The following ABI3BP variants were observed in gnomAD, a reference collection of about 807,000 sequenced individuals.
The protein encoded by ABI3BP is ABI family member 3 binding protein, also known as target of Nesh-SH3.
ABI3BP carries 216 observed loss-of-function variants against 268.6 expected under a neutral mutation model. That is an observed-to-expected ratio of 0.80 (90% confidence interval 0.72 to 0.90). ABI3BP has a LOEUF of 0.90. Among genes scored for constraint, ABI3BP ranks in the 40% least tolerant of loss-of-function variants. The pLI, the probability that ABI3BP is intolerant of heterozygous loss-of-function variation, is 0.00. For synonymous variants in ABI3BP, 730 were observed against 730.0 expected (o/e 1.00, Z 0.00); for missense variants, 2,090 against 2,182.4 (o/e 0.96, Z 0.84).
At chr3:100,753,934 ACTTGTTAAGAAGT>A in intron 64 of ABI3BP, 86 bp from the exon 65 acceptor site, 2 of 1,348,556 alleles carry the variant, frequency 1.5e-6, no homozygotes, top group Non-Finnish European at 2.1e-6. Context: ...GGGGGCTTAC[ACTTGTTAAGAAGT>A]CTTATTTGCA....
At chr3:100,902,813 A>G in intron 2 of ABI3BP, 127 bp from the exon 3 acceptor site, 1 of 685,596 alleles carries the variant, frequency 1.5e-6, no homozygotes, top group Non-Finnish European at 2.5e-6. Context: ...GAGTGAGAGG[A>G]CCCAATAATC....
chr3:100,821,619 T>C (rs1029429141), intron 38 of ABI3BP, among the ~76,000 whole-genome samples: 2 of 142,694 alleles, frequency 1.4e-5, no homozygotes, highest in Non-Finnish European at 3.1e-5. Context: ...TTTTTTTTTT[T>C]TGAGATGGAG....
chr3:100,947,953 T>C (rs1310003984), intron 1 of ABI3BP, among the ~76,000 whole-genome samples: 1 of 152,060 alleles, frequency 6.6e-6, no homozygotes, highest in African/African-American at 2.4e-5. Flanking sequence ...TGGGTAGCAA[T>C]GAGTCAGCCA....
intron 4 of ABI3BP, among the ~76,000 whole-genome samples, chr3:100,895,013 G>T (rs2047012858): frequency 7.0e-6 from 1 of 142,718 alleles, no homozygotes; most frequent in South Asian, 2.4e-4. Context: ...ATGCGAAAGT[G>T]ATTTCTAAAC....
intron 1 of ABI3BP, among the ~76,000 whole-genome samples, chr3:100,932,057 C>G (rs1389592230): frequency 2.5e-4 from 38 of 151,734 alleles, no homozygotes; most frequent in Admixed American, 2.5e-3. Context: ...GGACACACAC[C>G]TACAACAATC....
At chr3:100,859,096 C>A (rs1469718573) in intron 14 of ABI3BP, among the ~76,000 whole-genome samples, 1 of 152,164 alleles carries the variant, frequency 6.6e-6, no homozygotes, top group East Asian at 1.9e-4. Flanking sequence ...TTTCTATCAT[C>A]TTCTAAGAGA....
chr3:100,990,565 G>T lies in ABI3BP; in HGVS notation c.79+2741C>A, dbSNP rs188226933. 7.1e-3 allele frequency among the ~76,000 whole-genome samples: 1,045 copies of T among 147,824 alleles called. 10 individuals are homozygous for T. The highest frequency in any genetic ancestry group is 0.025 in the African/African-American group (1,001 of 40,680). Reference sequence around the variant, plus strand: ...GACTTCTTATAAATAACTATATATGGTTATATATATATAATTTTGTATATA... The same window carrying T: ...GACTTCTTATAAATAACTATATATGTTTATATATATATAATTTTGTATATA... On this transcript the variant is annotated intron_variant, in intron 1 of 67. Coordinates refer to ENST00000471714, the MANE Select transcript of ABI3BP (RefSeq NM_001375547.2).
At position 100,754,624 on chromosome 3, in the gene ABI3BP, T is replaced by C. The variant is rs1160075220; in HGVS notation, c.4918A>G (p.Ser1640Gly). ...TTGATGTAATTACCTGATTCAGTACTGAATGCCACTGTGTTGCTGACCGGG... is the reference window on the plus strand; with the variant it reads ...TTGATGTAATTACCTGATTCAGTACCGAATGCCACTGTGTTGCTGACCGGG... ...EGPVSNTVAF[S>G]TESADPRVSE... Residue 1640 changes from serine (S) to glycine (G), a missense_variant, in exon 64 of 68, where the codon AGT becomes GGT. Physicochemically the swap from Ser to Gly is moderately conservative, Grantham distance 56. Coordinates refer to ENST00000471714, the MANE Select transcript of ABI3BP (RefSeq NM_001375547.2). 1 of 1,585,482 alleles carries C rather than the reference T, an allele frequency of 6.3e-7. No individual in the cohort carries two copies. The highest frequency in any genetic ancestry group is 8.6e-7 in the Non-Finnish European group (1 of 1,164,478).
chr3:100,926,367 C>G lies in ABI3BP; in HGVS notation c.194G>C (p.Ser65Thr). 6.2e-7 allele frequency: 1 copy of G among 1,613,568 alleles called. No homozygotes were observed. The highest frequency in any genetic ancestry group is 8.5e-7 in the Non-Finnish European group (1 of 1,179,644). ...GAAGTACTGGTTTGGTGATACATTG[C>G]TGCCATATCCCAGGAGAAGACCTTC... ...KLEGLLLGYGSNVSPNQYFPL... is the reference protein window; with the variant it reads ...KLEGLLLGYGTNVSPNQYFPL... Residue 65 changes from serine to threonine, a missense_variant, in exon 2 of 68, where the codon AGC becomes ACC. Physicochemically the swap from Ser to Thr is moderately conservative, Grantham distance 58 (BLOSUM62 1). Transcript: ENST00000471714.
At chr3:100,859,891 C>T (rs867032123) in intron 14 of ABI3BP, among the ~76,000 whole-genome samples, 1 of 152,084 alleles carries the variant, frequency 6.6e-6, no homozygotes, top group Non-Finnish European at 1.5e-5. Flanking sequence ...GATAAGGTAG[C>T]GCTTCTCAAA....
chr3:100,751,787 A>C, intron 66 of ABI3BP, 113 bp from the exon 67 acceptor site: 1 of 1,047,822 alleles, frequency 9.5e-7, no homozygotes, highest in Admixed American at 3.2e-5. Flanking sequence ...CTATTACCCT[A>C]GTTCAAACCA....
rs191105435 is a variant in ABI3BP, at chr3:100,834,023, T to C, written c.2281+661A>G. Among the ~76,000 whole-genome samples the C allele has an allele frequency of 5.6e-4, 86 of 152,284 alleles. 1 individual carries two copies. Among genetic ancestry groups the C allele is most frequent in the Admixed American group, 2.7e-3 (41 of 15,302 alleles). On this transcript the variant is annotated intron_variant, in intron 29 of 67. Transcript: ENST00000471714. The stretch of plus-strand genomic sequence containing the variant: ...TCTTGCTCCGTTGCCTGGGCTACAG[T>C]GCAAGGGTGCAATTGTAGCTCACTG...
chr3:100,758,078 T>C (rs2095720753), intron 63 of ABI3BP, among the ~76,000 whole-genome samples: 2 of 151,868 alleles, frequency 1.3e-5, no homozygotes, highest in Admixed American at 6.6e-5. Flanking sequence ...TCTACCTGGG[T>C]AGGTGTAAAT....
intron 4 of ABI3BP, among the ~76,000 whole-genome samples, chr3:100,887,662 G>T (rs980349469): frequency 8.6e-5 from 13 of 152,030 alleles, no homozygotes; most frequent in African/African-American, 2.7e-4. Context: ...TTCCTCAAAA[G>T]GTTAGTACCT....
At chr3:100,808,380 G>A (rs1465333382) in intron 49 of ABI3BP, 145 bp from the exon 50 acceptor site, 4 of 511,376 alleles carry the variant, frequency 7.8e-6, no homozygotes, top group Non-Finnish European at 1.4e-5. Context: ...CAAAGTATAG[G>A]AAGGTAACTT....
intron 67 of ABI3BP, among the ~76,000 whole-genome samples, chr3:100,750,906 T>C (rs1051923828): frequency 6.6e-6 from 1 of 152,176 alleles, no homozygotes; most frequent in Admixed American, 6.5e-5. Context: ...TCTTTCAGTA[T>C]TGTTGGTATT....
intron 47 of ABI3BP, 89 bp from the exon 48 acceptor site, chr3:100,811,366 G>A: frequency 9.9e-7 from 1 of 1,010,894 alleles, no homozygotes; most frequent in Non-Finnish European, 1.4e-6. Flanking sequence ...TTAATAATTT[G>A]CATCATAATT....
chr3:100,889,807 C>T (rs1561319151), intron 4 of ABI3BP, among the ~76,000 whole-genome samples: 1 of 152,062 alleles, frequency 6.6e-6, no homozygotes, highest in Non-Finnish European at 1.5e-5. Context: ...ATTGAAAAAT[C>T]CACAGCTCCT....
chr3:100,839,092 C>G (rs1382253265), intron 24 of ABI3BP, among the ~76,000 whole-genome samples: 1 of 152,150 alleles, frequency 6.6e-6, no homozygotes, highest in Non-Finnish European at 1.5e-5. Flanking sequence ...CTCTCGCTAT[C>G]CATACCTATT....
Sources: allele counts gnomAD v4.1 joint callset (sites outside exome capture counted in the v4.1 genomes callset), GRCh38; gene constraint gnomAD v4.1.1; transcripts MANE v1.5; gene names NCBI Gene and HGNC (gene_info 2026-07-23, HGNC 2026-07-21).